Variants in VPS13D observed in about 807,000 individuals in gnomAD.
VPS13D encodes intermembrane lipid transfer protein VPS13D.
Under a neutral mutation model 461.9 loss-of-function variants are expected in VPS13D, and 187 were observed. The observed-to-expected ratio is 0.40, with a 90% CI of 0.36 to 0.46. VPS13D has a LOEUF of 0.46. Ranked by LOEUF, VPS13D falls within the 20% of genes least tolerant of loss-of-function variation. The pLI, the probability that VPS13D is intolerant of heterozygous loss-of-function variation, is 0.60. For missense variants in VPS13D, 4,711 were observed against 5,364.9 expected (o/e 0.88, Z 3.81); for synonymous variants, 1,951 against 1,986.3 (o/e 0.98, Z 0.47).
chr1:12,405,771 C>T (rs1644645009), intron 63 of VPS13D, among the ~76,000 whole-genome samples: 1 of 152,196 alleles, frequency 6.6e-6, no homozygotes, highest in Admixed American at 6.5e-5. Context: ...TATATATTCA[C>T]CCAGAGCACT....
At chr1:12,349,787 A>G (rs1286454278) in intron 46 of VPS13D, among the ~76,000 whole-genome samples, 3 of 152,228 alleles carry the variant, frequency 2.0e-5, no homozygotes, top group Non-Finnish European at 4.4e-5. Flanking sequence ...TGTACCTCAT[A>G]CTGACTTTCT....
chr1:12,400,962 G>GCGCGCGCACACA (rs1253464149), intron 61 of VPS13D, among the ~76,000 whole-genome samples: 10 of 106,296 alleles, frequency 9.4e-5, no homozygotes, highest in South Asian at 3.7e-4. Flanking sequence ...CTGCGCGCGC[G>GCGCGCGCACACA]CACACACACA....
chr1:12,235,093 G>T (rs562332759), intron 2 of VPS13D, among the ~76,000 whole-genome samples: 1 of 152,290 alleles, frequency 6.6e-6, no homozygotes, highest in South Asian at 2.1e-4. Flanking sequence ...CATACGTAGG[G>T]AAGAGAAGAA....
chr1:12,297,173 G>A (rs1210699311), intron 24 of VPS13D, among the ~76,000 whole-genome samples: 2 of 152,126 alleles, frequency 1.3e-5, no homozygotes, highest in Non-Finnish European at 2.9e-5. Flanking sequence ...TTGGTGACAC[G>A]TGTTTTTGAC....
intron 67 of VPS13D, among the ~76,000 whole-genome samples, chr1:12,478,130 C>T (rs548464275): frequency 1.4e-3 from 218 of 152,358 alleles, no homozygotes; most frequent in African/African-American, 4.9e-3. Flanking sequence ...TGGGGTTTTA[C>T]ACTTGGGCTG....
At position 12,277,239 on chromosome 1, in the gene VPS13D, T is replaced by C. The variant is rs2101360804; in HGVS notation, c.3651T>C (p.Leu1217=). Residue 1217 remains leucine, a synonymous_variant, in exon 19 of 70, where the codon CTT becomes CTC. Transcript: ENST00000620676. ...MGSTFDMNGS[L]GCLQLMDLTQ... ...GCACGTTTGACATGAATGGTTCTCT[T>C]GGCTGTTTACAGCTTATGGATTTGA... 9 of 1,614,252 alleles carry C rather than the reference T, an allele frequency of 5.6e-6. No individual in the cohort carries two copies. Among genetic ancestry groups the C allele is most frequent in the East Asian group, 2.2e-5 (1 of 44,890 alleles).
intron 42 of VPS13D, 31 bp from the exon 43 acceptor site, chr1:12,345,341 GCC>G: frequency 6.3e-7 from 1 of 1,589,594 alleles, no homozygotes; most frequent in South Asian, 1.1e-5. Context: ...TGGAGATTGT[GCC>G]TAATATCTTT....
chr1:12,241,305 A>G (rs1330656126), intron 2 of VPS13D, among the ~76,000 whole-genome samples: 2 of 152,158 alleles, frequency 1.3e-5, no homozygotes, highest in East Asian at 1.9e-4. Flanking sequence ...GGGAAACATA[A>G]TCATGTTTTT....
Position 12,386,264 on chromosome 1 carries a change from C to G in VPS13D, c.11564C>G (p.Thr3855Arg). Residue 3855 changes from threonine (T) to arginine (R), a missense_variant, in exon 60 of 70, where the codon ACA becomes AGA. Physicochemically the swap from Thr to Arg is moderately conservative, Grantham distance 71. This residue lies in a region of VPS13D where 4,411 missense variants were observed against 4,937.8 expected (regional missense o/e 0.89). Transcript: ENST00000620676. ...VPEELVFASL[T>R]GINVHYTQLA... is the part of the protein sequence containing the mutation. Reference sequence around the variant, plus strand: ...GAAGAACTGGTCTTTGCAAGTCTTACAGGAATCAATGTGCACTATACACAG... The same window carrying G: ...GAAGAACTGGTCTTTGCAAGTCTTAGAGGAATCAATGTGCACTATACACAG... 6.2e-7 allele frequency: 1 copy of G among 1,613,712 alleles called. No homozygotes were observed. The highest frequency in any genetic ancestry group is 8.5e-7 in the Non-Finnish European group (1 of 1,179,854).
Position 12,282,811 on chromosome 1 carries a change from G to T in VPS13D, c.4709G>T (p.Cys1570Phe), listed in dbSNP as rs1336783687. 1 of 1,614,086 alleles carries T rather than the reference G, an allele frequency of 6.2e-7. No homozygotes were observed. Among genetic ancestry groups the T allele is most frequent in the African/African-American group, 1.3e-5 (1 of 75,008 alleles). ...KYPASATSSP[C>F]PDSPLPPLST... ...CCAGCCAGTGCTACCTCCTCCCCTT[G>T]CCCTGATTCTCCTCTGCCTCCCCTC... Residue 1570 changes from cysteine (C) to phenylalanine (F), a missense_variant, in exon 21 of 70, where the codon TGC (cysteine) becomes TTC (phenylalanine). By Grantham distance (205) the Cys-to-Phe change is radical. Around this residue, in one of 3 missense-constraint regions of VPS13D, gnomAD observed 4,411 missense variants for 4,937.8 expected, o/e 0.89. Transcript: ENST00000620676.
rs1643441255 is a variant in VPS13D, at chr1:12,335,975, G to A, written c.8551+148G>A. 1.4e-5 allele frequency: 16 copies of A among 1,181,700 alleles called. No individual in the cohort carries two copies. The South Asian group carries it at 1.9e-4, about 14-fold the overall frequency. 73.2% of individuals were successfully genotyped at this position (1,181,700 alleles called of 1,614,324 possible). On this transcript the variant is annotated intron_variant, in intron 39 of 69. Transcript: ENST00000620676. ...CTTCTGTAGTTCTGTTTTAGTCTTT[G>A]CAGGAGACAGTTTTCTGGCATGAAC...
chr1:12,274,524 C>G (rs1311502495), intron 18 of VPS13D, among the ~76,000 whole-genome samples: 1 of 151,978 alleles, frequency 6.6e-6, no homozygotes. Flanking sequence ...GTTGGCCAGG[C>G]AGGTCTCGAA....
intron 12 of VPS13D, 25 bp from the exon 13 acceptor site, chr1:12,261,876 C>T (rs1334683673): frequency 1.3e-6 from 2 of 1,559,650 alleles, no homozygotes; most frequent in Non-Finnish European, 1.7e-6. Flanking sequence ...TTTTTTCTTA[C>T]AGTCTTTTCT....
intron 37 of VPS13D, among the ~76,000 whole-genome samples, chr1:12,331,019 G>T (rs1286328556): frequency 6.6e-6 from 1 of 152,166 alleles, no homozygotes; most frequent in African/African-American, 2.4e-5. Flanking sequence ...ATCAGAGCAG[G>T]CTATTTTTTG....
At chr1:12,341,687 A>C in intron 40 of VPS13D, 93 bp from the exon 41 acceptor site, 2 of 1,111,718 alleles carry the variant, frequency 1.8e-6, no homozygotes, top group Non-Finnish European at 2.7e-6. Context: ...CCTTTGCACA[A>C]GAGACAAATT....
At chr1:12,248,963 T>G (rs1156940162) in intron 5 of VPS13D, among the ~76,000 whole-genome samples, 1 of 152,184 alleles carries the variant, frequency 6.6e-6, no homozygotes, top group Non-Finnish European at 1.5e-5. Flanking sequence ...TAATATAACA[T>G]AACATAATAT....
At chr1:12,466,624 C>T (rs1482794687) in intron 67 of VPS13D, among the ~76,000 whole-genome samples, 1 of 152,126 alleles carries the variant, frequency 6.6e-6, no homozygotes, top group African/African-American at 2.4e-5. Context: ...CAGCACGCTC[C>T]TTCCAGATGA....
At position 12,358,582 on chromosome 1, in the gene VPS13D, AG is replaced by A. The variant is rs1239055542; in HGVS notation, c.10125del (p.Leu3376Ter). 1 of 1,614,188 alleles carries A rather than the reference AG, an allele frequency of 6.2e-7. No individual in the cohort carries two copies. Among genetic ancestry groups the A allele is most frequent in the Non-Finnish European group, 8.5e-7 (1 of 1,180,016 alleles). On this transcript the variant is annotated frameshift_variant, in exon 50 of 70. Transcript: ENST00000620676. LOFTEE classifies it high-confidence loss of function. ...AAGTCATCCAGCAAGGAAACCGCCC[AG>A]GGCTGATCTATAACATTGGTGGGTT... ...LKVIQQGNRP[G>X]LIYNIGIDVK...
intron 12 of VPS13D, among the ~76,000 whole-genome samples, chr1:12,261,502 G>A (rs1018068987): frequency 3.9e-5 from 6 of 152,314 alleles, no homozygotes; most frequent in South Asian, 4.1e-4. Context: ...AATTTAATTC[G>A]AATTGAATAC....
Sources: allele counts gnomAD v4.1 joint callset (sites outside exome capture counted in the v4.1 genomes callset), GRCh38; gene constraint gnomAD v4.1.1; regional missense constraint gnomAD v4.1.1; transcripts MANE v1.5; gene names NCBI Gene and HGNC (gene_info 2026-07-23, HGNC 2026-07-21).